NIBAN2: variants seen among roughly 807,000 people sequenced by gnomAD.
The protein encoded by NIBAN2 is niban apoptosis regulator 2, also known as protein Niban 2.
A neutral mutation model predicts 81.8 loss-of-function variants in NIBAN2; 36 were observed. That is an observed-to-expected ratio of 0.44 (90% CI 0.34 to 0.58). The LOEUF is 0.58. Among genes scored for constraint, NIBAN2 ranks in the 20% least tolerant of loss-of-function variants. NIBAN2 has a pLI of 0.02. For synonymous variants in NIBAN2, 445 were observed against 441.6 expected (o/e 1.01, Z -0.10); for missense variants, 897 against 1,014.1 (o/e 0.88, Z 1.57).
Position 127,577,710 on chromosome 9 carries a change from T to TTTTGTTTGTTTGTTTGTTTGTTTG in NIBAN2, c.16+1211_16+1212insCAAACAAACAAACAAACAAACAAA, listed in dbSNP as rs376947080. ...CAAAATGGGCTTCTCTGCTATATCT[T>TTTTGTTTGTTTGTTTGTTTGTTTG]TTTGTTTGTTTGTTTGTTTCAGGGA... On this transcript the variant is annotated intron_variant, in intron 1 of 13. Transcript: ENST00000373314. Among the ~76,000 whole-genome samples the TTTTGTTTGTTTGTTTGTTTGTTTG allele has an allele frequency of 4.8e-3, 733 of 151,972 alleles. 4 individuals are homozygous for TTTTGTTTGTTTGTTTGTTTGTTTG. The highest frequency in any genetic ancestry group is 0.016 in the African/African-American group (674 of 41,302).
chr9:127,538,937 T>C lies in NIBAN2; in HGVS notation c.56-7159A>G, dbSNP rs866723260. Among the ~76,000 whole-genome samples, 44 of 96,044 alleles carry C rather than the reference T, an allele frequency of 4.6e-4. 1 individual carries two copies. Among genetic ancestry groups the C allele is most frequent in the African/African-American group, 1.8e-3 (43 of 23,602 alleles). 63.0% of individuals were successfully genotyped at this position (96,044 alleles called of 152,430 possible). A position where few individuals can be genotyped will look rare whatever the true frequency, so the allele number is the denominator to read the frequency against. On this transcript the variant is annotated intron_variant, in intron 1 of 13. Transcript: ENST00000373312. ...TCTAGCCTGGGAGACACAGTGAGAC[T>C]CCATCTCAAAAAAAAAAAAAAAAAG...
intron 5 of NIBAN2, among the ~76,000 whole-genome samples, chr9:127,522,859 C>T (rs1351097001): frequency 6.6e-6 from 1 of 151,934 alleles, no homozygotes; most frequent in African/African-American, 2.4e-5. Context: ...CCAACACACA[C>T]ACACCCTCAG....
intron 1 of NIBAN2, among the ~76,000 whole-genome samples, chr9:127,538,630 GAAAAA>G (rs11341312): frequency 1.0e-4 from 13 of 127,392 alleles, no homozygotes; most frequent in African/African-American, 3.9e-4. Context: ...CCATCTCAAA[GAAAAA>G]AAAAAAAAAA....
intron 1 of NIBAN2, among the ~76,000 whole-genome samples, chr9:127,558,399 A>C (rs1034926612): frequency 3.3e-5 from 5 of 152,170 alleles, no homozygotes; most frequent in African/African-American, 7.2e-5. Context: ...CCTGGGTTCC[A>C]GCCAAGCTCT....
chr9:127,528,708 C>A (rs1166863132), intron 2 of NIBAN2, among the ~76,000 whole-genome samples: 1 of 152,252 alleles, frequency 6.6e-6, no homozygotes, highest in East Asian at 1.9e-4. Context: ...CCCCCACACA[C>A]AGTGGGCTTT....
upstream of NIBAN2, among the ~76,000 whole-genome samples, chr9:127,572,864 A>G (rs561242837): frequency 5.9e-5 from 9 of 152,174 alleles, no homozygotes; most frequent in Non-Finnish European, 8.8e-5. Flanking sequence ...GGGCAACAGA[A>G]TGAGACCCCG....
chr9:127,575,591 G>A (rs1419734497), intron 1 of NIBAN2, among the ~76,000 whole-genome samples: 12 of 146,868 alleles, frequency 8.2e-5, no homozygotes, highest in African/African-American at 2.5e-4. Flanking sequence ...GTGCAGTGGC[G>A]GGATCTCTGC....
intron 1 of NIBAN2, among the ~76,000 whole-genome samples, chr9:127,534,921 T>A (rs990991181): frequency 2.0e-5 from 3 of 152,210 alleles, no homozygotes; most frequent in Non-Finnish European, 4.4e-5. Flanking sequence ...GTCATCGTCA[T>A]GGCCACCACT....
intron 1 of NIBAN2, among the ~76,000 whole-genome samples, chr9:127,539,756 C>T (rs1837343758): frequency 6.6e-6 from 1 of 152,154 alleles, no homozygotes; most frequent in African/African-American, 2.4e-5. Context: ...GATCACAGCC[C>T]CCTCGGGCCA....
rs764784809 is a variant in NIBAN2, at chr9:127,508,304, C to T, written c.1435-104G>A. 5.3e-5 allele frequency: 70 copies of T among 1,309,348 alleles called. No homozygotes were observed. Among genetic ancestry groups the T allele is most frequent in the East Asian group, 9.2e-5 (4 of 43,268 alleles). 81.1% of individuals were successfully genotyped at this position (1,309,348 alleles called of 1,614,324 possible). The stretch of plus-strand genomic sequence containing the variant: ...TGACCCAAGCCTCCGAGTCCTCATC[C>T]GCACAAGAGGACCATGGCGCCTCCT... On this transcript the variant is annotated intron_variant, in intron 11 of 13. Coordinates refer to ENST00000373312, the MANE Select transcript of NIBAN2 (RefSeq NM_022833.4). This position sits in a 1 kb window ranked among gnomAD's most constrained non-coding sequence, Gnocchi z 6.4.
At chr9:127,550,204 G>A (rs764858194) in intron 1 of NIBAN2, among the ~76,000 whole-genome samples, 5 of 152,136 alleles carry the variant, frequency 3.3e-5, no homozygotes, top group African/African-American at 4.8e-5. Context: ...TCCCCGTACC[G>A]TGAAGGGACT....
chr9:127,533,444 G>A (rs571408712), intron 1 of NIBAN2, among the ~76,000 whole-genome samples: 4 of 152,188 alleles, frequency 2.6e-5, no homozygotes, highest in East Asian at 3.9e-4. Flanking sequence ...GCGACAGAGC[G>A]AGACTCCATC....
intron 1 of NIBAN2, among the ~76,000 whole-genome samples, chr9:127,534,428 G>A (rs1723156320): frequency 6.6e-6 from 1 of 152,210 alleles, no homozygotes; most frequent in Non-Finnish European, 1.5e-5. Flanking sequence ...CTGGCATAAG[G>A]TCACACAGCC....
At chr9:127,542,012 C>T (rs1384074620) in intron 1 of NIBAN2, among the ~76,000 whole-genome samples, 2 of 152,150 alleles carry the variant, frequency 1.3e-5, no homozygotes, top group Non-Finnish European at 2.9e-5. Flanking sequence ...CAGGCCACTC[C>T]CGTCCTGTGC....
At position 127,507,145 on chromosome 9, in the gene NIBAN2, C is replaced by T. The variant is rs373898187; in HGVS notation, c.1941G>A (p.Pro647=). The T allele has an allele frequency of 6.2e-5, 100 of 1,605,874 alleles. No homozygotes were observed. Among genetic ancestry groups the T allele is most frequent in the African/African-American group, 3.2e-4 (24 of 74,946 alleles). ...GGCCTCGGATCTCAGTGACACCGTC[C>T]GGGGACGCAGGTGGTGGTGACTCAG... ...ASPESPPPAS[P]DGVTEIRGLL... The change falls in exon 14 of 14, where the codon CCG becomes CCA. Residue 647 remains proline, a synonymous_variant. Transcript: ENST00000373312. This position sits in a 1 kb window ranked among gnomAD's most constrained non-coding sequence, Gnocchi z 6.8.
At position 127,563,222 on chromosome 9, in the gene NIBAN2, CAG is replaced by C. The variant is rs752875908; in HGVS notation, c.55+5596_55+5597del. On this transcript the variant is annotated intron_variant, in intron 1 of 13. Transcript: ENST00000373312. The surrounding 1 kb of genome is among the most constrained non-coding windows in gnomAD (Gnocchi z 4.1). The stretch of plus-strand genomic sequence containing the variant: ...CCCAGCAGTGGAAAAGGAACAGAGT[CAG>C]GGGGACTAGAGGAGGCTGGATGGAG... Among the ~76,000 whole-genome samples, 33 of 152,322 alleles carry C rather than the reference CAG, an allele frequency of 2.2e-4. No individual in the cohort carries two copies. The highest frequency in any genetic ancestry group is 3.5e-4 in the Non-Finnish European group (24 of 68,032).
chr9:127,561,428 C>G (rs1268305359), intron 1 of NIBAN2, among the ~76,000 whole-genome samples: 1 of 152,192 alleles, frequency 6.6e-6, no homozygotes, highest in African/African-American at 2.4e-5. Context: ...ATTGTCACCT[C>G]CCACCAACAC....
intron 1 of NIBAN2, among the ~76,000 whole-genome samples, chr9:127,560,649 C>T (rs758228173): frequency 1.3e-5 from 2 of 152,192 alleles, no homozygotes; most frequent in Non-Finnish European, 2.9e-5. Context: ...CCAGGAAGCA[C>T]ACACAGGCAG....
At chr9:127,549,427 T>C (rs1000803962) in intron 1 of NIBAN2, among the ~76,000 whole-genome samples, 1 of 151,888 alleles carries the variant, frequency 6.6e-6, no homozygotes, top group African/African-American at 2.4e-5. Flanking sequence ...ACGCATGCAC[T>C]CACATGTGCA....
Sources: gnomAD v4.1 joint callset for allele counts (sites outside exome capture counted in the v4.1 genomes callset) on GRCh38, gnomAD v4.1.1 for gene constraint, Gnocchi (gnomAD v3.1) non-coding constraint, MANE v1.5 for transcripts, NCBI Gene and HGNC (gene_info 2026-07-23, HGNC 2026-07-21) for gene names.